The following NUDT6 variants were observed in gnomAD, a reference collection of about 807,000 sequenced individuals.
NUDT6 encodes the protein FAD diphosphatase NUDT6.
Under a neutral mutation model 36.8 loss-of-function variants are expected in NUDT6, and 24 were observed. The ratio of observed to expected loss-of-function variants is 0.65; its 90% CI spans 0.47 to 0.92. NUDT6 has a LOEUF of 0.92. Among genes scored for constraint, NUDT6 ranks in the 40% least tolerant of loss-of-function variants. The probability of loss-of-function intolerance (pLI) is 0.00; values close to 1 mark genes in which losing one functional copy is unlikely to be tolerated. For synonymous variants in NUDT6, 163 were observed against 157.0 expected (o/e 1.04, Z -0.29); for missense variants, 388 against 392.8 (o/e 0.99, Z 0.10).
At chr4:122,910,475 G>C (rs1346155432) in intron 3 of NUDT6, among the ~76,000 whole-genome samples, 1 of 152,020 alleles carries the variant, frequency 6.6e-6, no homozygotes, top group East Asian at 1.9e-4. Context: ...ATTCTTATTT[G>C]GTAGATTAAC....
chr4:122,893,164 GA>G lies in NUDT6; in HGVS notation c.614del (p.Val205AlafsTer2). 1 of 1,614,084 alleles carries G rather than the reference GA, an allele frequency of 6.2e-7. No individual in the cohort carries two copies. The highest frequency in any genetic ancestry group is 8.5e-7 in the Non-Finnish European group (1 of 1,180,014). On this transcript the variant is annotated frameshift_variant, in exon 5 of 5. Transcript: ENST00000304430. LOFTEE classifies it high-confidence loss of function. ...TTGTGTGCTGTTGCCGAATACTCAG[GA>G]CGGACCTGAATTCTGATTTTATACC... ...ETGIKSEFRSVLSIRQQHTNP... is the reference protein window; with the variant it reads ...ETGIKSEFRSXLSIRQQHTNP...
At chr4:122,907,858 G>A (rs758073837) in intron 3 of NUDT6, among the ~76,000 whole-genome samples, 5 of 152,130 alleles carry the variant, frequency 3.3e-5, no homozygotes, top group Non-Finnish European at 5.9e-5. Flanking sequence ...CCCCCTTCTG[G>A]TAACAGTAAT....
At position 122,917,693 on chromosome 4, in the gene NUDT6, G is replaced by A. The variant is rs2150810335; in HGVS notation, c.250C>T (p.Gln84Ter). The change falls in exon 2 of 5, where the codon CAA (glutamine) becomes TAA (stop). Residue 84 changes from glutamine to a stop codon, truncating the protein, a stop_gained. Transcript: ENST00000304430. LOFTEE classifies it high-confidence loss of function. Reference sequence around the variant, plus strand: ...GCTGTTCTACCTTCTGATCGCCATTGCTGTACTGCAGCTAAATGCAGAAGA... The same window carrying A: ...GCTGTTCTACCTTCTGATCGCCATTACTGTACTGCAGCTAAATGCAGAAGA... Reference protein sequence around the residue: ...FQKGLQAAVQQWRSEGRTAVW... With the variant: ...FQKGLQAAVQ 6.2e-7 allele frequency: 1 copy of A among 1,614,074 alleles called. No individual in the cohort carries two copies. Among genetic ancestry groups the A allele is most frequent in the East Asian group, 2.2e-5 (1 of 44,886 alleles).
chr4:122,903,136 A>T (rs2150802845), intron 3 of NUDT6, among the ~76,000 whole-genome samples: 1 of 152,294 alleles, frequency 6.6e-6, no homozygotes, highest in Admixed American at 6.5e-5. Flanking sequence ...TACAACATTG[A>T]ACTATATGTT....
intron 3 of NUDT6, among the ~76,000 whole-genome samples, chr4:122,904,322 C>G (rs1260870408): frequency 6.6e-6 from 1 of 152,136 alleles, no homozygotes; most frequent in African/African-American, 2.4e-5. Flanking sequence ...AACCCTTACC[C>G]CTGGCCAAGG....
intron 3 of NUDT6, 32 bp from the exon 4 acceptor site, chr4:122,897,710 A>C: frequency 7.0e-7 from 1 of 1,429,560 alleles, no homozygotes; most frequent in East Asian, 2.3e-5. Context: ...TAAAGTTAAC[A>C]TAACTTTCAC....
At chr4:122,915,291 G>A (rs62323499) in intron 2 of NUDT6, among the ~76,000 whole-genome samples, 24,049 of 151,760 alleles carry the variant, frequency 0.16, 2,402 homozygotes, top group East Asian at 0.45. Context: ...GCAACATGGC[G>A]AAACCCTATC....
At chr4:122,899,391 T>G (rs1333282655) in intron 3 of NUDT6, among the ~76,000 whole-genome samples, 1 of 152,158 alleles carries the variant, frequency 6.6e-6, no homozygotes, top group Admixed American at 6.5e-5. Context: ...CATAAACCTT[T>G]TATATGGAAA....
intron 1 of NUDT6, chr4:122,921,192 G>T (rs1322228340): frequency 1.3e-5 from 2 of 152,162 alleles, no homozygotes; most frequent in African/African-American, 4.8e-5. Context: ...CATAAAAGAA[G>T]CGTTATTCTA....
chr4:122,912,117 C>T (rs1414180875), intron 3 of NUDT6, among the ~76,000 whole-genome samples: 1 of 152,160 alleles, frequency 6.6e-6, no homozygotes, highest in Non-Finnish European at 1.5e-5. Flanking sequence ...TCTTTGGGGA[C>T]TTCTTCAGGC....
intron 4 of NUDT6, chr4:122,895,119 AGTATGCGG>A (rs1727310324): frequency 1.3e-5 from 2 of 152,212 alleles, no homozygotes; most frequent in South Asian, 4.1e-4. Context: ...TTGTCTCCAG[AGTATGCGG>A]GAGACCCTTC....
intron 4 of NUDT6, 61 bp from the exon 5 acceptor site, chr4:122,893,286 A>G: frequency 6.8e-7 from 1 of 1,469,534 alleles, no homozygotes; most frequent in East Asian, 2.3e-5. Flanking sequence ...CTGTATCATC[A>G]AAGATTTTCA....
intron 3 of NUDT6, among the ~76,000 whole-genome samples, chr4:122,907,399 T>C (rs906604464): frequency 6.6e-6 from 1 of 151,544 alleles, no homozygotes; most frequent in Non-Finnish European, 1.5e-5. Flanking sequence ...CCTCCCAAAG[T>C]GCTGAGATTA....
chr4:122,894,994 C>G (rs1357095523), intron 4 of NUDT6: 1 of 152,186 alleles, frequency 6.6e-6, no homozygotes, highest in East Asian at 1.9e-4. Context: ...AGCAAATCTG[C>G]CCTGCTCAGC....
intron 3 of NUDT6, among the ~76,000 whole-genome samples, chr4:122,907,280 G>A (rs763425584): frequency 6.6e-6 from 1 of 151,220 alleles, no homozygotes; most frequent in Non-Finnish European, 1.5e-5. Context: ...ACAGGCATGC[G>A]CCACCATGCC....
At chr4:122,914,070 CT>C (rs1727781976) in intron 2 of NUDT6, among the ~76,000 whole-genome samples, 1 of 152,160 alleles carries the variant, frequency 6.6e-6, no homozygotes. Flanking sequence ...ATGAAACTCC[CT>C]ATCCTTATGG....
chr4:122,916,216 C>T (rs2150809482), intron 2 of NUDT6, among the ~76,000 whole-genome samples: 1 of 152,242 alleles, frequency 6.6e-6, no homozygotes, highest in East Asian at 1.9e-4. Context: ...GGGGATAGGG[C>T]CCAGCAATCT....
chr4:122,916,703 A>G (rs1287457086), intron 2 of NUDT6, among the ~76,000 whole-genome samples: 1 of 152,182 alleles, frequency 6.6e-6, no homozygotes, highest in Non-Finnish European at 1.5e-5. Context: ...TAATAGTCCT[A>G]TTTAAAAGCA....
intron 4 of NUDT6, chr4:122,896,170 A>G (rs1386252829): frequency 6.7e-6 from 1 of 149,710 alleles, no homozygotes; most frequent in East Asian, 2.0e-4. Flanking sequence ...TTGTTGTGAC[A>G]ACCACAAGCA....
Sources: gnomAD v4.1 joint callset for allele counts (sites outside exome capture counted in the v4.1 genomes callset) on GRCh38, gnomAD v4.1.1 for gene constraint, MANE v1.5 for transcripts, NCBI Gene and HGNC (gene_info 2026-07-23, HGNC 2026-07-21) for gene names.